RBFOX1: variants seen among roughly 807,000 people sequenced by gnomAD.
The protein encoded by RBFOX1 is RNA binding fox-1 homolog 1.
In RBFOX1, 8 loss-of-function variants were observed where a neutral mutation model predicts 57.7. The observed-to-expected ratio is 0.14, with a 90% CI of 0.08 to 0.25. The LOEUF (loss-of-function observed/expected upper bound fraction) is 0.25, where lower values mean the gene tolerates loss of function less well. Among genes scored for constraint, RBFOX1 ranks in the 10% least tolerant of loss-of-function variants. The pLI, the probability that RBFOX1 is intolerant of heterozygous loss-of-function variation, is 1.00. For missense variants in RBFOX1, 611 were observed against 548.5 expected, an observed-to-expected ratio of 1.11 and a Z score of -1.14; for synonymous variants, 326 against 222.4, an observed-to-expected ratio of 1.47 and a Z score of -4.15.
At position 7,653,877 on chromosome 16, in the gene RBFOX1, G is replaced by C; in HGVS notation, c.820G>C (p.Gly274Arg). Residue 274 changes from glycine (G) to arginine (R), a missense_variant, in exon 12 of 16, where the codon GGC (glycine) becomes CGC (arginine). By Grantham distance (125) the Gly-to-Arg change is moderately radical. Transcript: ENST00000550418. Reference sequence around the variant, plus strand: ...CGCCTACCGAGGGGCGCACCTGCGAGGCCGCGGTCGCACCGTGTACAACAC... The same window carrying C: ...CGCCTACCGAGGGGCGCACCTGCGACGCCGCGGTCGCACCGTGTACAACAC... ...AAAYRGAHLR[G>R]RGRTVYNTFR... is the part of the protein sequence containing the mutation. 6.2e-7 allele frequency: 1 copy of C among 1,602,682 alleles called. No individual in the cohort carries two copies. The highest frequency in any genetic ancestry group is 8.5e-7 in the Non-Finnish European group (1 of 1,178,942).
intron 1 of RBFOX1, among the ~76,000 whole-genome samples, chr16:6,163,764 C>T (rs2096896136): frequency 6.6e-6 from 1 of 152,114 alleles, no homozygotes; most frequent in Admixed American, 6.6e-5. Flanking sequence ...CCTAAATCTT[C>T]AGTATTTATA....
At chr16:5,570,025 C>A (rs1025661038) in intron 2 of RBFOX1, among the ~76,000 whole-genome samples, 4 of 152,168 alleles carry the variant, frequency 2.6e-5, no homozygotes, top group African/African-American at 4.8e-5. Context: ...TCAGCCCTTT[C>A]GTGGCAACAA....
At chr16:7,543,941 G>A (rs573839665) in intron 5 of RBFOX1, among the ~76,000 whole-genome samples, 8 of 152,160 alleles carry the variant, frequency 5.3e-5, no homozygotes, top group African/African-American at 1.2e-4. Context: ...GGATGGTCTC[G>A]ATCTCCTAAC....
intron 4 of RBFOX1, among the ~76,000 whole-genome samples, chr16:7,363,363 A>G (rs533396930): frequency 1.3e-3 from 195 of 152,306 alleles, no homozygotes; most frequent in African/African-American, 4.5e-3. Context: ...TCTTCTGTCC[A>G]AGGGGGTAAA....
At chr16:5,866,642 C>G (rs554791099) in intron 3 of RBFOX1, among the ~76,000 whole-genome samples, 2 of 152,198 alleles carry the variant, frequency 1.3e-5, no homozygotes, top group African/African-American at 2.4e-5. Context: ...TGAACATCTA[C>G]GTGACTTTAT....
At chr16:7,220,725 G>C (rs1443270684) in intron 4 of RBFOX1, among the ~76,000 whole-genome samples, 2 of 150,612 alleles carry the variant, frequency 1.3e-5, no homozygotes, top group Non-Finnish European at 2.9e-5. Context: ...GGATCATCTT[G>C]GATCCTGGCT....
chr16:6,308,026 A>G (rs2079746515), intron 1 of RBFOX1, among the ~76,000 whole-genome samples: 3 of 150,342 alleles, frequency 2.0e-5, no homozygotes. Flanking sequence ...AATGATATTT[A>G]TGTTATTTAT....
chr16:6,976,197 C>T (rs149228109), intron 3 of RBFOX1, among the ~76,000 whole-genome samples: 1 of 152,084 alleles, frequency 6.6e-6, no homozygotes, highest in African/African-American at 2.4e-5. Flanking sequence ...ACAGGAGTTA[C>T]AAGAGTTCTT....
chr16:7,044,562 T>G (rs549948633), intron 3 of RBFOX1, among the ~76,000 whole-genome samples: 14 of 152,314 alleles, frequency 9.2e-5, no homozygotes, highest in Middle Eastern at 3.4e-3. Flanking sequence ...TAACCTTTCA[T>G]AAGTGCTTAC....
intron 4 of RBFOX1, among the ~76,000 whole-genome samples, chr16:7,084,296 CATATATACACACACACTTATAT>C (rs1380557389): frequency 3.4e-4 from 51 of 151,310 alleles, no homozygotes; most frequent in African/African-American, 1.1e-3. Flanking sequence ...GTATGAAATA[CATATATACACACACACTTATAT>C]GTGAGGGAGT....
At chr16:7,108,458 C>G (rs954887598) in intron 4 of RBFOX1, among the ~76,000 whole-genome samples, 1 of 152,136 alleles carries the variant, frequency 6.6e-6, no homozygotes, top group Non-Finnish European at 1.5e-5. Flanking sequence ...ATTGATTCAT[C>G]CATTCATTGA....
chr16:5,842,193 A>C (rs911991547), intron 3 of RBFOX1, among the ~76,000 whole-genome samples: 3 of 152,340 alleles, frequency 2.0e-5, no homozygotes, highest in Middle Eastern at 3.4e-3. Flanking sequence ...AGGCGCCTCA[A>C]ACATGTTAAC....
At chr16:7,155,839 C>G (rs968929327) in intron 4 of RBFOX1, among the ~76,000 whole-genome samples, 13 of 148,476 alleles carry the variant, frequency 8.8e-5, no homozygotes, top group African/African-American at 2.7e-4. Flanking sequence ...TATATAATAC[C>G]TATATATGTG....
intron 3 of RBFOX1, among the ~76,000 whole-genome samples, chr16:6,877,315 C>T (rs1400699243): frequency 1.3e-5 from 2 of 152,154 alleles, no homozygotes; most frequent in Non-Finnish European, 2.9e-5. Context: ...TTTATGTGTG[C>T]ATCTGGCAGA....
intron 1 of RBFOX1, among the ~76,000 whole-genome samples, chr16:5,266,781 G>C (rs1227713377): frequency 1.3e-5 from 2 of 151,834 alleles, no homozygotes; most frequent in African/African-American, 4.8e-5. Flanking sequence ...CTGGTCTCGA[G>C]CTGTTGGGCT....
chr16:5,537,874 C>T (rs529820275), intron 2 of RBFOX1, among the ~76,000 whole-genome samples: 1 of 152,312 alleles, frequency 6.6e-6, no homozygotes, highest in South Asian at 2.1e-4. Context: ...CATAAGGTAA[C>T]ATGTTCACAG....
chr16:7,448,666 G>C (rs1294280855), intron 4 of RBFOX1, among the ~76,000 whole-genome samples: 1 of 152,148 alleles, frequency 6.6e-6, no homozygotes, highest in Non-Finnish European at 1.5e-5. Context: ...TTTGTTCTTT[G>C]TTTCTCTCCT....
rs996976237 is a variant in RBFOX1, at chr16:6,176,238, C to G, written c.-126-140757C>G. Among the ~76,000 whole-genome samples, 6 of 151,774 alleles carry G rather than the reference C, an allele frequency of 4.0e-5. No homozygotes were observed. In the East Asian group the frequency reaches 9.7e-4, roughly 24 times the overall value. On this transcript the variant is annotated intron_variant, in intron 1 of 15. Transcript: ENST00000550418. Reference sequence around the variant, plus strand: ...TGGCTCACTTGCAACCTCGGCCTCCCCAGTTCAAGTAATTCTCCTGCCTCA... The same window carrying G: ...TGGCTCACTTGCAACCTCGGCCTCCGCAGTTCAAGTAATTCTCCTGCCTCA...
At chr16:5,439,939 C>G (rs943943269) in intron 1 of RBFOX1, among the ~76,000 whole-genome samples, 21 of 152,198 alleles carry the variant, frequency 1.4e-4, no homozygotes, top group Admixed American at 1.2e-3. Flanking sequence ...AGATGTCAAG[C>G]TGGCAGCTTG....
Sources: allele counts gnomAD v4.1 joint callset (sites outside exome capture counted in the v4.1 genomes callset), GRCh38; gene constraint gnomAD v4.1.1; transcripts MANE v1.5; gene names NCBI Gene and HGNC (gene_info 2026-07-23, HGNC 2026-07-21).